The following XNDC1N variants were observed in gnomAD, a reference collection of about 807,000 sequenced individuals.
The protein encoded by XNDC1N is XRCC1 N-terminal domain containing 1, N-terminal like, also known as protein XNDC1N.
chr11:71,873,900 ATAAAT>A, the XNDC1N span, among the ~76,000 whole-genome samples: 1 of 152,244 alleles, frequency 6.6e-6, no homozygotes, highest in Admixed American at 6.5e-5. Context: ...GTGTCTGAAC[ATAAAT>A]TAGAGTATGC....
the XNDC1N span, among the ~76,000 whole-genome samples, chr11:71,870,133 C>T: frequency 3.3e-5 from 5 of 152,172 alleles, no homozygotes; most frequent in Admixed American, 2.0e-4. Context: ...TGGGGAAGCA[C>T]CCCATGATTA....
At chr11:71,891,465 T>A in the XNDC1N span, among the ~76,000 whole-genome samples, 1 of 151,880 alleles carries the variant, frequency 6.6e-6, no homozygotes, top group African/African-American at 2.4e-5. Context: ...AGTAATGTCA[T>A]CCTCCCCAAA....
At chr11:71,893,064 A>T in the XNDC1N span, among the ~76,000 whole-genome samples, 1 of 152,218 alleles carries the variant, frequency 6.6e-6, no homozygotes, top group African/African-American at 2.4e-5. Context: ...GTGTCAGAAT[A>T]AAGTAGAGTG....
the XNDC1N span, among the ~76,000 whole-genome samples, chr11:71,908,675 C>T: frequency 6.6e-6 from 1 of 152,228 alleles, no homozygotes; most frequent in African/African-American, 2.4e-5. Context: ...ACCGAAAAGC[C>T]ACAAGCCCTA....
the XNDC1N span, chr11:71,903,642 T>G: frequency 2.3e-6 from 1 of 433,782 alleles, no homozygotes; most frequent in Non-Finnish European, 4.0e-6. Flanking sequence ...TGTCCTTGTT[T>G]TTTTTTTCTT....
chr11:71,919,927 C>CTCT, the XNDC1N span, among the ~76,000 whole-genome samples: 20 of 67,266 alleles, frequency 3.0e-4, no homozygotes, highest in Non-Finnish European at 4.3e-4. Flanking sequence ...AAAAGCAGGC[C>CTCT]TCTTTTTTTT....
the XNDC1N span, among the ~76,000 whole-genome samples, chr11:71,882,333 T>TG: frequency 6.6e-6 from 1 of 152,268 alleles, no homozygotes; most frequent in East Asian, 1.9e-4. Context: ...CTTGGCTCAC[T>TG]GCAGCCTCCG....
At chr11:71,905,511 G>T in the XNDC1N span, among the ~76,000 whole-genome samples, 1 of 152,064 alleles carries the variant, frequency 6.6e-6, no homozygotes, top group African/African-American at 2.4e-5. Flanking sequence ...TGATGTCACT[G>T]GGGGCACACC....
At chr11:71,924,671 G>A in the XNDC1N span, among the ~76,000 whole-genome samples, 6 of 151,884 alleles carry the variant, frequency 4.0e-5, no homozygotes, top group South Asian at 2.1e-4. Context: ...GCTACAGAGC[G>A]AGACTCCGTC....
chr11:71,898,784 G>C, the XNDC1N span, among the ~76,000 whole-genome samples: 1 of 152,280 alleles, frequency 6.6e-6, no homozygotes, highest in East Asian at 1.9e-4. Context: ...TTCTGGAGAC[G>C]ATGACGGTGA....
chr11:71,922,618 A>G, the XNDC1N span, among the ~76,000 whole-genome samples: 1 of 152,178 alleles, frequency 6.6e-6, no homozygotes, highest in African/African-American at 2.4e-5. Context: ...TCTCCTTGAA[A>G]TGTGTGGGGA....
the XNDC1N span, among the ~76,000 whole-genome samples, chr11:71,897,813 A>C: frequency 6.6e-6 from 1 of 152,246 alleles, no homozygotes; most frequent in Non-Finnish European, 1.5e-5. Flanking sequence ...GAAGCAACCC[A>C]AGGGTTCGTG....
At chr11:71,893,175 C>T in the XNDC1N span, among the ~76,000 whole-genome samples, 1 of 152,066 alleles carries the variant, frequency 6.6e-6, no homozygotes, top group Non-Finnish European at 1.5e-5. Context: ...AAAGAGTAGG[C>T]CGTATTTTAC....
At chr11:71,917,371 A>C in the XNDC1N span, 1 of 610,750 alleles carries the variant, frequency 1.6e-6, no homozygotes, top group Admixed American at 2.8e-5. Flanking sequence ...CTACCGAACC[A>C]CAAGTTATAT....
chr11:71,891,855 G>A, the XNDC1N span, among the ~76,000 whole-genome samples: 1 of 151,898 alleles, frequency 6.6e-6, no homozygotes, highest in Admixed American at 6.6e-5. Context: ...TCTTTCACAG[G>A]CCATTTGGAA....
the XNDC1N span, among the ~76,000 whole-genome samples, chr11:71,886,311 C>T: frequency 1.3e-5 from 2 of 151,240 alleles, no homozygotes; most frequent in East Asian, 3.9e-4. Context: ...TCTTTAACAG[C>T]GAAGAAAGGC....
At chr11:71,897,421 C>T in the XNDC1N span, among the ~76,000 whole-genome samples, 4 of 152,152 alleles carry the variant, frequency 2.6e-5, no homozygotes, top group African/African-American at 4.8e-5. Context: ...GGTCAGAAGA[C>T]GCGAGTAGAC....
the XNDC1N span, among the ~76,000 whole-genome samples, chr11:71,910,347 A>G: frequency 6.6e-6 from 1 of 152,140 alleles, no homozygotes; most frequent in Non-Finnish European, 1.5e-5. Context: ...CTTTCCTATC[A>G]GATTAGCCCC....
At chr11:71,907,793 G>A in the XNDC1N span, among the ~76,000 whole-genome samples, 1 of 152,090 alleles carries the variant, frequency 6.6e-6, no homozygotes, top group African/African-American at 2.4e-5. Flanking sequence ...CGATATCCTT[G>A]GGGGTGTCCA....
Sources: gnomAD v4.1 joint callset for allele counts (sites outside exome capture counted in the v4.1 genomes callset) on GRCh38, gnomAD v4.1.1 for gene constraint, MANE v1.5 for transcripts, NCBI Gene and HGNC (gene_info 2026-07-23, HGNC 2026-07-21) for gene names.